The following CSMD3 variants were observed in gnomAD, a reference collection of about 807,000 sequenced individuals.
The protein encoded by CSMD3 is CUB and sushi domain-containing protein 3.
Under a neutral mutation model 435.2 loss-of-function variants are expected in CSMD3, and 177 were observed. That is an observed-to-expected ratio of 0.41 (90% confidence interval 0.36 to 0.46). The LOEUF (loss-of-function observed/expected upper bound fraction) is 0.46, where lower values mean the gene tolerates loss of function less well. Ranked by LOEUF, CSMD3 falls within the 20% of genes least tolerant of loss-of-function variation. The pLI is 0.34. For missense variants in CSMD3, 4,265 were observed against 4,504.6 expected, an observed-to-expected ratio of 0.95 and a Z score of 1.52; for synonymous variants, 1,656 against 1,520.5, an observed-to-expected ratio of 1.09 and a Z score of -2.07.
intron 3 of CSMD3, among the ~76,000 whole-genome samples, chr8:113,273,066 TACTC>T (rs1322091839): frequency 1.3e-5 from 2 of 152,086 alleles, no homozygotes; most frequent in Non-Finnish European, 2.9e-5. Context: ...ATATCCCAAT[TACTC>T]TTATTTGATC....
At chr8:112,305,956 T>C (rs1821380127) in intron 51 of CSMD3, 51 bp downstream of exon 51, 1 of 1,447,714 alleles carries the variant, frequency 6.9e-7, no homozygotes, top group Non-Finnish European at 9.7e-7. Context: ...ATTTCAGGTA[T>C]ATAAAATACC....
intron 13 of CSMD3, among the ~76,000 whole-genome samples, chr8:112,703,911 A>G (rs937931899): frequency 5.3e-5 from 8 of 152,104 alleles, no homozygotes; most frequent in Non-Finnish European, 1.2e-4. Flanking sequence ...ATAATAAATA[A>G]ATGTGTGAAG....
intron 1 of CSMD3, chr8:113,376,949 A>T (rs1387833448): frequency 7.3e-7 from 1 of 1,370,406 alleles, no homozygotes; most frequent in East Asian, 4.3e-5. Context: ...CGGGTTCAGG[A>T]GGTGCCCAAA....
rs147646436 is a variant in CSMD3 at position 112,709,328 on chromosome 8, A to T, written c.1973-19278T>A. On this transcript the variant is annotated intron_variant, in intron 13 of 70. Coordinates refer to ENST00000297405, the MANE Select transcript of CSMD3 (RefSeq NM_198123.2). The stretch of plus-strand genomic sequence containing the variant: ...TTTATATTGAAAAATAGGTGTACAC[A>T]TATTTTCTAAAGCTTATTTGACCCC... 7.2e-5 allele frequency among the ~76,000 whole-genome samples: 11 copies of T among 152,174 alleles called. No individual in the cohort carries two copies. In the East Asian group the frequency reaches 2.1e-3, roughly 29 times the overall value.
chr8:112,407,081 C>A (rs1357724692), intron 34 of CSMD3, among the ~76,000 whole-genome samples: 2 of 151,316 alleles, frequency 1.3e-5, no homozygotes, highest in Non-Finnish European at 1.5e-5. Flanking sequence ...ACTTAGAATA[C>A]CAAGTTCAAA....
intron 13 of CSMD3, among the ~76,000 whole-genome samples, chr8:112,765,388 G>T (rs1181967470): frequency 1.3e-5 from 2 of 151,460 alleles, no homozygotes; most frequent in Non-Finnish European, 3.0e-5. Context: ...AACAAGGGAG[G>T]GATATAGGAT....
intron 46 of CSMD3, 132 bp downstream of exon 46, chr8:112,319,769 C>G (rs987416555): frequency 2.8e-6 from 2 of 722,226 alleles, no homozygotes; most frequent in Admixed American, 4.0e-5. Context: ...CTTAAAAATT[C>G]TAAATAATCT....
Position 112,506,678 on chromosome 8 carries a change from T to G in CSMD3, c.4895+13A>C, listed in dbSNP as rs766465177. ...TATTTTTTTAACGTGGAAATAAATA[T>G]ATAAGAACTCACCTGATGAACGCCA... On this transcript the variant is annotated intron_variant, in intron 29 of 70. Coordinates refer to ENST00000297405, the MANE Select transcript of CSMD3 (RefSeq NM_198123.2). 3.0e-5 allele frequency: 48 copies of G among 1,612,560 alleles called. No homozygotes were observed. The highest frequency in any genetic ancestry group is 4.0e-5 in the Non-Finnish European group (47 of 1,178,840).
At chr8:112,466,524 T>G (rs1297301061) in intron 32 of CSMD3, among the ~76,000 whole-genome samples, 5 of 152,210 alleles carry the variant, frequency 3.3e-5, no homozygotes, top group Admixed American at 3.3e-4. Context: ...TGAGAATAAT[T>G]CATTAATACA....
At position 112,346,873 on chromosome 8, in the gene CSMD3, G is replaced by T. The variant is rs949257976; in HGVS notation, c.6326-660C>A. On this transcript the variant is annotated intron_variant, in intron 40 of 70. Transcript: ENST00000297405. Reference sequence around the variant, plus strand: ...TTTTGTATTTTTAGTAGAGACGGGGGTTTCATTGTGTTAGCCAGGATGGTC... The same window carrying T: ...TTTTGTATTTTTAGTAGAGACGGGGTTTTCATTGTGTTAGCCAGGATGGTC... Among the ~76,000 whole-genome samples, 16 of 151,594 alleles carry T rather than the reference G, an allele frequency of 1.1e-4. No individual in the cohort carries two copies. In the East Asian group the frequency reaches 2.7e-3, roughly 26 times the overall value.
At chr8:113,270,626 C>A (rs993522308) in intron 3 of CSMD3, among the ~76,000 whole-genome samples, 4 of 152,044 alleles carry the variant, frequency 2.6e-5, no homozygotes, top group African/African-American at 9.7e-5. Context: ...ACATATACAC[C>A]ATGGAATACT....
chr8:113,282,990 C>A (rs1020062795), intron 2 of CSMD3, among the ~76,000 whole-genome samples: 1 of 151,986 alleles, frequency 6.6e-6, no homozygotes, highest in Non-Finnish European at 1.5e-5. Flanking sequence ...GGGGAAAGGA[C>A]ACCATTTTCA....
At chr8:113,155,951 T>A (rs1042043874) in intron 4 of CSMD3, among the ~76,000 whole-genome samples, 4 of 152,074 alleles carry the variant, frequency 2.6e-5, no homozygotes, top group African/African-American at 9.7e-5. Flanking sequence ...CTATAATGAT[T>A]CTGAAAGTTT....
At chr8:112,384,200 T>C (rs1174786060) in intron 36 of CSMD3, among the ~76,000 whole-genome samples, 1 of 152,200 alleles carries the variant, frequency 6.6e-6, no homozygotes, top group African/African-American at 2.4e-5. Flanking sequence ...ATTTAAAAAT[T>C]TTTAACACGC....
chr8:112,331,820 A>G (rs541769180), intron 45 of CSMD3, among the ~76,000 whole-genome samples: 2 of 152,212 alleles, frequency 1.3e-5, no homozygotes, highest in Non-Finnish European at 2.9e-5. Context: ...CCAGCTTAAA[A>G]TAAGTGTTAA....
At chr8:112,401,565 T>C (rs570661311) in intron 35 of CSMD3, among the ~76,000 whole-genome samples, 73 of 152,298 alleles carry the variant, frequency 4.8e-4, no homozygotes, top group African/African-American at 1.7e-3. Context: ...TATTTTAACT[T>C]TGTTTTTATT....
chr8:112,962,137 C>T (rs1216760798), intron 7 of CSMD3, among the ~76,000 whole-genome samples: 2 of 151,694 alleles, frequency 1.3e-5, no homozygotes, highest in Non-Finnish European at 2.9e-5. Flanking sequence ...AATATCCACT[C>T]AATTTATGCA....
intron 23 of CSMD3, among the ~76,000 whole-genome samples, chr8:112,576,835 CAT>C (rs5894088): frequency 0.26 from 18,809 of 71,302 alleles, 1,245 homozygotes; most frequent in East Asian, 0.37. Flanking sequence ...AGGCAGCATA[CAT>C]ATATATATAT....
intron 24 of CSMD3, among the ~76,000 whole-genome samples, chr8:112,570,794 G>A (rs1326527228): frequency 2.0e-5 from 3 of 152,108 alleles, no homozygotes; most frequent in African/African-American, 7.2e-5. Flanking sequence ...ATTGTCTACT[G>A]ATATGCCAAG....
Sources: gnomAD v4.1 joint callset for allele counts (sites outside exome capture counted in the v4.1 genomes callset) on GRCh38, gnomAD v4.1.1 for gene constraint, MANE v1.5 for transcripts, NCBI Gene and HGNC (gene_info 2026-07-23, HGNC 2026-07-21) for gene names.